ALK: variants seen among roughly 807,000 people sequenced by gnomAD.
ALK encodes ALK tyrosine kinase receptor.
ALK carries 74 observed loss-of-function variants against 163.1 expected under a neutral mutation model. The ratio of observed to expected loss-of-function variants is 0.45; its 90% CI spans 0.38 to 0.55. ALK has a LOEUF of 0.55. Ranked by LOEUF, ALK falls within the 20% of genes least tolerant of loss-of-function variation. ALK has a pLI of 0.00. For missense variants in ALK, 2,063 were observed against 2,105.3 expected (o/e 0.98, Z 0.39); for synonymous variants, 960 against 843.2 (o/e 1.14, Z -2.40).
At chr2:29,857,062 C>T (rs183763094) in intron 1 of ALK, among the ~76,000 whole-genome samples, 18 of 152,204 alleles carry the variant, frequency 1.2e-4, no homozygotes, top group East Asian at 7.7e-4. Context: ...CCGGAGGAGG[C>T]GAATGTGCAT....
intron 1 of ALK, among the ~76,000 whole-genome samples, chr2:29,838,608 G>A (rs1034554813): frequency 3.3e-5 from 5 of 152,118 alleles, no homozygotes; most frequent in Admixed American, 1.3e-4. Flanking sequence ...ACCACTGATC[G>A]AGTCAACAAT....
intron 4 of ALK, among the ~76,000 whole-genome samples, chr2:29,476,714 G>A (rs1376163173): frequency 6.6e-6 from 1 of 152,124 alleles, no homozygotes; most frequent in Non-Finnish European, 1.5e-5. Context: ...CAGAGCGTGT[G>A]AGGCTGCCCA....
intron 4 of ALK, among the ~76,000 whole-genome samples, chr2:29,474,809 T>G (rs200152813): frequency 1.3e-5 from 2 of 151,970 alleles, no homozygotes; most frequent in South Asian, 4.1e-4. Context: ...GCGATATAAG[T>G]GGGGGAGAGG....
At chr2:29,836,345 C>T (rs890700467) in intron 1 of ALK, among the ~76,000 whole-genome samples, 4 of 152,104 alleles carry the variant, frequency 2.6e-5, no homozygotes, top group East Asian at 1.9e-4. Flanking sequence ...TCATACTACC[C>T]GGCCATTGAA....
intron 2 of ALK, among the ~76,000 whole-genome samples, chr2:29,715,969 AT>A (rs968489882): frequency 2.0e-5 from 3 of 151,846 alleles, no homozygotes; most frequent in Admixed American, 6.6e-5. Flanking sequence ...TTTTTGATGG[AT>A]TTTTTTTTAA....
intron 19 of ALK, among the ~76,000 whole-genome samples, chr2:29,224,228 A>G (rs1302813699): frequency 6.6e-6 from 1 of 152,190 alleles, no homozygotes; most frequent in African/African-American, 2.4e-5. Flanking sequence ...GAGCCACATC[A>G]TGAAAAGATC....
chr2:29,216,735 TGTG>T (rs144786966), intron 23 of ALK, among the ~76,000 whole-genome samples: 15,952 of 151,304 alleles, frequency 0.11, 956 homozygotes, highest in Non-Finnish European at 0.12. Flanking sequence ...TATATGTGTT[TGTG>T]TTTTGTGTAC....
chr2:29,408,748 A>C (rs1029351964), intron 4 of ALK, among the ~76,000 whole-genome samples: 89 of 152,068 alleles, frequency 5.9e-4, no homozygotes, highest in African/African-American at 2.1e-3. Context: ...GGCAGATGAG[A>C]ATTTTTAGTT....
chr2:29,720,017 G>T (rs1679377381), intron 1 of ALK, among the ~76,000 whole-genome samples: 2 of 152,206 alleles, frequency 1.3e-5, no homozygotes, highest in South Asian at 4.2e-4. Context: ...CTAAGCCTAG[G>T]TTATACTTTC....
intron 4 of ALK, among the ~76,000 whole-genome samples, chr2:29,422,433 C>A (rs937647264): frequency 6.8e-6 from 1 of 147,722 alleles, no homozygotes. Flanking sequence ...CCTCTCTAGT[C>A]CAGGCTTCTT....
chr2:29,366,635 T>C (rs1237343615), intron 5 of ALK, among the ~76,000 whole-genome samples: 4 of 152,104 alleles, frequency 2.6e-5, no homozygotes, highest in Non-Finnish European at 5.9e-5. Flanking sequence ...GAGACCAACA[T>C]GGAGTGAGTC....
chr2:29,423,644 C>T (rs1215671357), intron 4 of ALK, among the ~76,000 whole-genome samples: 1 of 152,240 alleles, frequency 6.6e-6, no homozygotes, highest in African/African-American at 2.4e-5. Flanking sequence ...GAAAAATGTA[C>T]ATTGCAGAGG....
At chr2:29,800,396 A>G (rs928665012) in intron 1 of ALK, among the ~76,000 whole-genome samples, 3 of 152,204 alleles carry the variant, frequency 2.0e-5, no homozygotes, top group African/African-American at 7.2e-5. Context: ...AATGTGAACC[A>G]TTACTTGGTT....
rs1343460625 is a variant in ALK at position 29,206,260 on chromosome 2, T to TTCTC, written c.3938+910_3938+911insGAGA. Among the ~76,000 whole-genome samples, 401 of 148,978 alleles carry TTCTC rather than the reference T, an allele frequency of 2.7e-3. 1 individual carries two copies. Among genetic ancestry groups the TTCTC allele is most frequent in the Non-Finnish European group, 5.3e-3 (357 of 67,426 alleles). On this transcript the variant is annotated intron_variant, in intron 26 of 28. Coordinates refer to ENST00000389048, the MANE Select transcript of ALK (RefSeq NM_004304.5). ...TCTACCTCCTCTCCCCTCCCTTTCT[T>TTCTC]TCTTTCTCTCTCTCGTTCCCTCCCT...
chr2:29,220,914 A>G (rs1669785083), intron 22 of ALK, 79 bp from the exon 23 acceptor site: 1 of 1,591,262 alleles, frequency 6.3e-7, no homozygotes, highest in Non-Finnish European at 8.6e-7. Context: ...AACAGGATAC[A>G]AAGTTACATT....
chr2:29,614,124 C>T (rs984466255), intron 3 of ALK, among the ~76,000 whole-genome samples: 27 of 152,158 alleles, frequency 1.8e-4, no homozygotes, highest in African/African-American at 5.8e-4. Flanking sequence ...TCCCCAGGCT[C>T]CTTTCCCTAG....
chr2:29,447,033 G>A (rs1397275944), intron 4 of ALK, among the ~76,000 whole-genome samples: 1 of 152,190 alleles, frequency 6.6e-6, no homozygotes, highest in Non-Finnish European at 1.5e-5. Flanking sequence ...CACTGGAAGA[G>A]GAGTAAGGAA....
At chr2:29,334,458 C>T (rs899200687) in intron 5 of ALK, among the ~76,000 whole-genome samples, 4 of 152,220 alleles carry the variant, frequency 2.6e-5, no homozygotes, top group Admixed American at 6.5e-5. Flanking sequence ...TGGAAACCCA[C>T]TGATTTAGAT....
At chr2:29,365,694 A>C (rs1668488042) in intron 5 of ALK, among the ~76,000 whole-genome samples, 1 of 152,198 alleles carries the variant, frequency 6.6e-6, no homozygotes, top group African/African-American at 2.4e-5. Context: ...ATCGATACCA[A>C]AAAGGGTTGG....
Sources: gnomAD v4.1 joint callset for allele counts (sites outside exome capture counted in the v4.1 genomes callset) on GRCh38, gnomAD v4.1.1 for gene constraint, MANE v1.5 for transcripts, NCBI Gene and HGNC (gene_info 2026-07-23, HGNC 2026-07-21) for gene names.